The following ANK3 variants were observed in gnomAD, a reference collection of about 807,000 sequenced individuals.
The protein encoded by ANK3 is ankyrin 3.
ANK3 carries 57 observed loss-of-function variants against 370.9 expected under a neutral mutation model. The observed-to-expected ratio is 0.15, with a 90% CI of 0.12 to 0.19. The LOEUF (loss-of-function observed/expected upper bound fraction) is 0.19. Among genes scored for constraint, ANK3 ranks in the 10% least tolerant of loss-of-function variants. The pLI is 1.00. For synonymous variants in ANK3, 1,929 were observed against 1,946.3 expected (o/e 0.99, Z 0.23); for missense variants, 4,439 against 5,302.1 (o/e 0.84, Z 5.06).
rs2096649982 is a variant in ANK3 at position 60,200,111 on chromosome 10, G to A, written c.1491+18C>T. The A allele has an allele frequency of 2.5e-6, 4 of 1,597,746 alleles. No individual in the cohort carries two copies. The East Asian group carries it at 8.9e-5, about 36-fold the overall frequency. The stretch of plus-strand genomic sequence containing the variant: ...AGTTTTTCCTCAATTTCAAACACTT[G>A]TCAAGTATTGCGCATACCTTAGCTT... On this transcript the variant is annotated intron_variant, in intron 13 of 43. Coordinates refer to ENST00000280772, the MANE Select transcript of ANK3 (RefSeq NM_020987.5).
intron 25 of ANK3, among the ~76,000 whole-genome samples, chr10:60,125,635 C>T (rs898690239): frequency 2.2e-4 from 33 of 152,088 alleles, no homozygotes; most frequent in Admixed American, 1.5e-3. Context: ...TAGAAATTAG[C>T]TTATGTGAAA....
chr10:60,552,267 C>A (rs1456731331), intron 2 of ANK3, among the ~76,000 whole-genome samples: 1 of 152,154 alleles, frequency 6.6e-6, no homozygotes, highest in African/African-American at 2.4e-5. Context: ...CTTCATGTAT[C>A]TTCTAGTCTA....
chr10:60,333,224 C>T (rs1363630823), intron 1 of ANK3, among the ~76,000 whole-genome samples: 3 of 151,932 alleles, frequency 2.0e-5, no homozygotes, highest in South Asian at 2.1e-4. Flanking sequence ...TAGGTATACA[C>T]GTGTCATGGT....
chr10:60,044,010 A>C (rs1250790906), intron 42 of ANK3: 1 of 985,832 alleles, frequency 1.0e-6, no homozygotes, highest in Admixed American at 6.1e-5. Context: ...TGTTAGCAGC[A>C]ATTTCTAGGG....
intron 2 of ANK3, among the ~76,000 whole-genome samples, chr10:60,513,543 T>C (rs1217537850): frequency 6.6e-6 from 1 of 152,046 alleles, no homozygotes. Flanking sequence ...TTGGTTAGAA[T>C]AGGTGGTTAG....
At chr10:60,134,749 T>A (rs1223567510) in intron 24 of ANK3, among the ~76,000 whole-genome samples, 1 of 152,238 alleles carries the variant, frequency 6.6e-6, no homozygotes, top group Non-Finnish European at 1.5e-5. Context: ...CTATGTCTAC[T>A]TGACATGCGC....
chr10:60,259,649 C>T (rs760199057), intron 7 of ANK3, among the ~76,000 whole-genome samples: 2 of 152,098 alleles, frequency 1.3e-5, no homozygotes, highest in Non-Finnish European at 2.9e-5. Context: ...GTAATATGTC[C>T]TCTTAAATTG....
rs548503520 is a variant in ANK3 at position 60,083,386 on chromosome 10, T to C, written c.4200+106A>G. 590 of 1,235,052 alleles carry C rather than the reference T, an allele frequency of 4.8e-4. 1 individual carries two copies. Among genetic ancestry groups the C allele is most frequent in the Non-Finnish European group, 6.4e-4 (565 of 885,534 alleles). The allele number at this position is 1,235,052 out of a possible 1,614,324, so 76.5% of individuals were successfully genotyped here. On this transcript the variant is annotated intron_variant, in intron 33 of 43. Coordinates refer to ENST00000280772, the MANE Select transcript of ANK3 (RefSeq NM_020987.5). Reference sequence around the variant, plus strand: ...AAAATCTGACCTTATGAGTTCAGATTTGACGGGGTATTTCAAATTAAATAA... The same window carrying C: ...AAAATCTGACCTTATGAGTTCAGATCTGACGGGGTATTTCAAATTAAATAA...
At position 60,196,499 on chromosome 10, in the gene ANK3, T is replaced by A. The variant is rs569778043; in HGVS notation, c.1788+28A>T. On this transcript the variant is annotated intron_variant, in intron 15 of 43. Transcript: ENST00000280772. Reference sequence around the variant, plus strand: ...GTATTTTGTTATCGTGGAAGTGGCCTGCTTCAGGGTGGCTGGTGACCTCTT... The same window carrying A: ...GTATTTTGTTATCGTGGAAGTGGCCAGCTTCAGGGTGGCTGGTGACCTCTT... 2.5e-5 allele frequency: 37 copies of A among 1,467,608 alleles called. No individual in the cohort carries two copies. In the African/African-American group the frequency reaches 4.9e-4, roughly 20 times the overall value. The allele number at this position is 1,467,608 out of a possible 1,614,324, so 90.9% of individuals were successfully genotyped here. A position where few individuals can be genotyped will look rare whatever the true frequency, so the allele number is the denominator to read the frequency against.
chr10:60,619,047 G>A (rs1025215688), intron 1 of ANK3, among the ~76,000 whole-genome samples: 1 of 151,860 alleles, frequency 6.6e-6, no homozygotes, highest in African/African-American at 2.4e-5. Context: ...CTTTCTTTAG[G>A]TTAGTTCTGC....
intron 2 of ANK3, among the ~76,000 whole-genome samples, chr10:60,428,564 CA>C (rs1406329028): frequency 6.6e-6 from 1 of 152,172 alleles, no homozygotes; most frequent in Non-Finnish European, 1.5e-5. Context: ...AGGCAGACGC[CA>C]CAGCCCTGAT....
intron 1 of ANK3, among the ~76,000 whole-genome samples, chr10:60,355,130 C>T (rs968288833): frequency 1.3e-5 from 2 of 152,032 alleles, no homozygotes; most frequent in African/African-American, 4.8e-5. Context: ...TGTTTAATCC[C>T]GGGTATTGAG....
intron 25 of ANK3, among the ~76,000 whole-genome samples, chr10:60,132,512 G>C (rs781433233): frequency 6.6e-6 from 1 of 152,098 alleles, no homozygotes. Flanking sequence ...GGCCTCCCCA[G>C]CCATGTGGAA....
At chr10:60,537,978 G>T (rs187901306) in intron 2 of ANK3, among the ~76,000 whole-genome samples, 33 of 151,964 alleles carry the variant, frequency 2.2e-4, no homozygotes, top group Admixed American at 7.9e-4. Context: ...ATGTATTAGT[G>T]TAATGAATAA....
intron 28 of ANK3, among the ~76,000 whole-genome samples, chr10:60,091,150 C>T (rs909929934): frequency 2.0e-5 from 3 of 152,202 alleles, no homozygotes; most frequent in Non-Finnish European, 4.4e-5. Context: ...GGTGATCCCC[C>T]CAACCTTGGA....
intron 2 of ANK3, among the ~76,000 whole-genome samples, chr10:60,534,265 G>A (rs769083654): frequency 1.3e-5 from 2 of 152,066 alleles, no homozygotes; most frequent in African/African-American, 2.4e-5. Flanking sequence ...TGGTTGGCAC[G>A]TCCTGAGTGG....
intron 1 of ANK3, among the ~76,000 whole-genome samples, chr10:60,660,867 T>C (rs1450806111): frequency 6.6e-6 from 1 of 151,830 alleles, no homozygotes; most frequent in Non-Finnish European, 1.5e-5. Context: ...TGATCTTGCC[T>C]AAAGCCTTGA....
chr10:60,066,500 T>G (rs1289046230), intron 38 of ANK3, among the ~76,000 whole-genome samples: 1 of 151,986 alleles, frequency 6.6e-6, no homozygotes, highest in Non-Finnish European at 1.5e-5. Context: ...CACCTATCTA[T>G]CTTTTCAGAA....
At chr10:60,453,162 C>T (rs2064656118) in intron 2 of ANK3, among the ~76,000 whole-genome samples, 1 of 152,178 alleles carries the variant, frequency 6.6e-6, no homozygotes, top group Non-Finnish European at 1.5e-5. Context: ...GCTATGAAAG[C>T]CTGGGCAAGT....
Sources: gnomAD v4.1 joint callset for allele counts (sites outside exome capture counted in the v4.1 genomes callset) on GRCh38, gnomAD v4.1.1 for gene constraint, MANE v1.5 for transcripts, NCBI Gene and HGNC (gene_info 2026-07-23, HGNC 2026-07-21) for gene names.